GSE1: variants seen among roughly 807,000 people sequenced by gnomAD.
GSE1 encodes Gse1 coiled-coil protein.
A neutral mutation model predicts 112.6 loss-of-function variants in GSE1; 32 were observed. The ratio of observed to expected loss-of-function variants is 0.28; its 90% CI spans 0.21 to 0.38. The LOEUF (loss-of-function observed/expected upper bound fraction) is 0.38. Among genes scored for constraint, GSE1 ranks in the 10% least tolerant of loss-of-function variants. The probability of loss-of-function intolerance (pLI) is 1.00; values close to 1 mark genes in which losing one functional copy is unlikely to be tolerated. For missense variants in GSE1, 2,348 were observed against 1,699.2 expected, an observed-to-expected ratio of 1.38 and a Z score of -6.71; for synonymous variants, 1,115 against 735.6, an observed-to-expected ratio of 1.52 and a Z score of -8.35.
At position 85,311,756 on chromosome 16, in the gene GSE1, A is replaced by G. The variant is rs1395817106; in HGVS notation, c.2284-45707A>G. On this transcript the variant is annotated intron_variant, in intron 1 of 2. Transcript: ENST00000637419. This position sits in a 1 kb window ranked among gnomAD's most constrained non-coding sequence, Gnocchi z 4.2. ...GGACCTGAGGTGGTGCAGGCTCTCC[A>G]GGGACATCTGTCCCACCTGCCGATG... Among the ~76,000 whole-genome samples, 3 of 151,936 alleles carry G rather than the reference A, an allele frequency of 2.0e-5. No homozygotes were observed. The highest frequency in any genetic ancestry group is 4.4e-5 in the Non-Finnish European group (3 of 67,958).
chr16:85,255,639 G>A (rs1462612584), intron 1 of GSE1, among the ~76,000 whole-genome samples: 4 of 151,942 alleles, frequency 2.6e-5, no homozygotes, highest in Non-Finnish European at 4.4e-5. Context: ...TCCTGACCTC[G>A]TGATCTGCCT....
intron 2 of GSE1, 29 bp from the exon 3 acceptor site, chr16:85,648,523 C>T: frequency 7.7e-7 from 1 of 1,301,670 alleles, no homozygotes; most frequent in Admixed American, 2.4e-5. Context: ...CTGCGGCTCC[C>T]ACTCAGGCCA....
chr16:85,272,739 TTTGCTTGC>T lies in GSE1; in HGVS notation c.2284-84708_2284-84701del, dbSNP rs1338318411. On this transcript the variant is annotated intron_variant, in intron 1 of 2. Transcript: ENST00000637419. Reference sequence around the variant, plus strand: ...GCAAGGGGGCCCTACTTCTTGCTTGTTTGCTTGCTTGCTTGCTTGCTTGTTTTCTTCTC... The same window carrying T: ...GCAAGGGGGCCCTACTTCTTGCTTGTTTGCTTGCTTGCTTGTTTTCTTCTC... Among the ~76,000 whole-genome samples the T allele has an allele frequency of 1.8e-4, 20 of 108,840 alleles. No individual in the cohort carries two copies. In the South Asian group the frequency reaches 5.2e-3, roughly 28 times the overall value. The allele number at this position is 108,840 out of a possible 152,430, so 71.4% of individuals were successfully genotyped here. A position where few individuals can be genotyped will look rare whatever the true frequency, so the allele number is the denominator to read the frequency against.
intron 2 of GSE1, among the ~76,000 whole-genome samples, chr16:85,519,891 G>A (rs1317530240): frequency 1.3e-5 from 2 of 152,166 alleles, no homozygotes; most frequent in South Asian, 2.1e-4. Context: ...AAGCCCGGCT[G>A]GGGGTAAGGA....
intron 2 of GSE1, among the ~76,000 whole-genome samples, chr16:85,466,712 AGG>A (rs796248770): frequency 1.8e-4 from 15 of 85,044 alleles, no homozygotes; most frequent in African/African-American, 9.9e-4. Context: ...AGAGAGAGAG[AGG>A]GAGAGAGGGA....
intron 1 of GSE1, among the ~76,000 whole-genome samples, chr16:85,581,340 G>C (rs2046440187): frequency 6.6e-6 from 1 of 152,202 alleles, no homozygotes; most frequent in African/African-American, 2.4e-5. Flanking sequence ...ATGGGACCTT[G>C]ATGTCTTCAG....
chr16:85,212,717 C>T (rs1039072628), intron 1 of GSE1, among the ~76,000 whole-genome samples: 1 of 152,168 alleles, frequency 6.6e-6, no homozygotes, highest in African/African-American at 2.4e-5. Context: ...TATGACGCCC[C>T]ACAGACGTCT....
chr16:85,303,494 T>G (rs1390060439), intron 1 of GSE1, among the ~76,000 whole-genome samples: 1 of 152,254 alleles, frequency 6.6e-6, no homozygotes, highest in Non-Finnish European at 1.5e-5. Flanking sequence ...GTCCGCCGCT[T>G]GCTGAGCGCT....
intron 2 of GSE1, chr16:85,462,956 TC>T (rs2050015578): frequency 1.3e-5 from 3 of 222,760 alleles, no homozygotes; most frequent in Non-Finnish European, 2.3e-5. Flanking sequence ...CATCCCCGTC[TC>T]CCCCGCCCCC....
At chr16:85,498,682 C>A (rs1338022818) in intron 2 of GSE1, among the ~76,000 whole-genome samples, 1 of 152,386 alleles carries the variant, frequency 6.6e-6, no homozygotes, top group Middle Eastern at 3.4e-3. Context: ...ATGCACACGA[C>A]AGCACACAGT....
chr16:85,349,898 G>A (rs1169316179), intron 1 of GSE1, among the ~76,000 whole-genome samples: 62 of 152,182 alleles, frequency 4.1e-4, no homozygotes, highest in Admixed American at 4.0e-3. Flanking sequence ...CTGTACGGCC[G>A]CTAGGCGTGG....
At chr16:85,219,182 T>G (rs2075352336) in intron 1 of GSE1, among the ~76,000 whole-genome samples, 1 of 150,722 alleles carries the variant, frequency 6.6e-6, no homozygotes, top group African/African-American at 2.4e-5. Flanking sequence ...CCGGCCTAAT[T>G]TTTGTATTTT....
intron 2 of GSE1, among the ~76,000 whole-genome samples, chr16:85,388,327 G>T (rs111218329): frequency 7.9e-5 from 3 of 37,946 alleles, no homozygotes; most frequent in Non-Finnish European, 2.4e-4. Context: ...TGGATGGATG[G>T]ATGAATGGAT....
intron 2 of GSE1, 39 bp downstream of exon 2, chr16:85,634,171 G>C: frequency 7.5e-7 from 1 of 1,329,706 alleles, no homozygotes; most frequent in Non-Finnish European, 9.8e-7. Flanking sequence ...GGGGAGCGGC[G>C]GCTCCCGAGG....
At chr16:85,403,794 C>A (rs901801609) in intron 2 of GSE1, among the ~76,000 whole-genome samples, 5 of 152,006 alleles carry the variant, frequency 3.3e-5, no homozygotes, top group African/African-American at 1.2e-4. Flanking sequence ...AGAGTGAGAC[C>A]CTGTCTCAAA....
At chr16:85,231,224 G>T (rs111171957) in intron 1 of GSE1, among the ~76,000 whole-genome samples, 222 of 151,070 alleles carry the variant, frequency 1.5e-3, no homozygotes, top group African/African-American at 5.2e-3. Context: ...TAGATGGATG[G>T]ATGATGATGG....
chr16:85,195,451 C>G (rs2074908684), intron 1 of GSE1, among the ~76,000 whole-genome samples: 1 of 152,170 alleles, frequency 6.6e-6, no homozygotes, highest in African/African-American at 2.4e-5. Flanking sequence ...TCCCATGTTC[C>G]TGAGGCCCAG....
At chr16:85,358,582 C>T (rs972013184) in intron 2 of GSE1, among the ~76,000 whole-genome samples, 9 of 152,170 alleles carry the variant, frequency 5.9e-5, no homozygotes, top group Non-Finnish European at 1.5e-5. Context: ...CTGCTGGGGG[C>T]CTGGGGACAG....
At chr16:85,604,886 C>T (rs1417172995) in intron 1 of GSE1, among the ~76,000 whole-genome samples, 2 of 69,174 alleles carry the variant, frequency 2.9e-5, no homozygotes, top group Non-Finnish European at 5.5e-5. Context: ...GGCGGGATCT[C>T]GGCTCACTGC....
Sources: allele counts gnomAD v4.1 joint callset (sites outside exome capture counted in the v4.1 genomes callset), GRCh38; gene constraint gnomAD v4.1.1; non-coding constraint Gnocchi (gnomAD v3.1); transcripts MANE v1.5; gene names NCBI Gene and HGNC (gene_info 2026-07-23, HGNC 2026-07-21).